TRMT44: variants seen among roughly 807,000 people sequenced by gnomAD.
TRMT44 encodes the protein probable tRNA (uracil-O(2)-)-methyltransferase.
TRMT44 carries 78 observed loss-of-function variants against 77.3 expected under a neutral mutation model. The observed-to-expected ratio is 1.01, with a 90% CI of 0.84 to 1.22. The LOEUF is 1.22. Among genes scored for constraint, TRMT44 ranks in the 50% most tolerant of loss-of-function variants. The pLI is 0.00. For synonymous variants in TRMT44, 391 were observed against 383.3 expected (o/e 1.02, Z -0.23); for missense variants, 1,090 against 964.4 (o/e 1.13, Z -1.73).
chr4:8,458,464 CTT>C (rs56203512), intron 6 of TRMT44, among the ~76,000 whole-genome samples: 44 of 130,284 alleles, frequency 3.4e-4, no homozygotes, highest in African/African-American at 3.7e-4. Context: ...CTTTTCTTTT[CTT>C]TTTTTTTTTT....
chr4:8,475,563 C>T (rs1727320157), intron 10 of TRMT44, among the ~76,000 whole-genome samples: 1 of 152,198 alleles, frequency 6.6e-6, no homozygotes, highest in African/African-American at 2.4e-5. Flanking sequence ...GCTCACCTTC[C>T]CCGGCCTTGC....
intron 1 of TRMT44, 25 bp downstream of exon 1, chr4:8,441,466 G>A: frequency 1.4e-6 from 2 of 1,454,338 alleles, no homozygotes; most frequent in South Asian, 1.4e-5. Context: ...ATAGTGGACG[G>A]ATATGATTAG....
In TRMT44 at chr4:8,476,112, TC is replaced by T; in HGVS notation, c.*114del. The T allele has an allele frequency of 1.1e-6, 1 of 930,044 alleles. No individual in the cohort carries two copies. Among genetic ancestry groups the T allele is most frequent in the Non-Finnish European group, 1.6e-6 (1 of 612,404 alleles). 57.6% of individuals were successfully genotyped at this position (930,044 alleles called of 1,614,324 possible). On this transcript the variant is annotated 3_prime_UTR_variant, in exon 11 of 11. Transcript: ENST00000389737. ...TCTGGCTGTGTTTCAGCCCACCTCC[TC>T]CCAGCTTTCTCCACATCCTCACAGT...
intron 5 of TRMT44, among the ~76,000 whole-genome samples, chr4:8,454,049 C>T (rs1229213731): frequency 2.0e-5 from 3 of 152,116 alleles, no homozygotes; most frequent in Non-Finnish European, 2.9e-5. Flanking sequence ...GGAGGTGTCT[C>T]GTGCACCCCT....
chr4:8,472,480 G>A (rs73223246), intron 10 of TRMT44, among the ~76,000 whole-genome samples: 3,408 of 152,332 alleles, frequency 0.022, 65 homozygotes, highest in African/African-American at 0.052. Context: ...TGGGGATCAG[G>A]TGCAGTACAG....
chr4:8,514,808 C>T, the TRMT44 span, among the ~76,000 whole-genome samples: 1 of 152,148 alleles, frequency 6.6e-6, no homozygotes, highest in Non-Finnish European at 1.5e-5. Flanking sequence ...GTACTTAACA[C>T]AGTTACCTGC....
At chr4:8,470,437 T>C (rs1265233936) in intron 9 of TRMT44, among the ~76,000 whole-genome samples, 8 of 152,272 alleles carry the variant, frequency 5.3e-5, no homozygotes, top group Non-Finnish European at 5.9e-5. Flanking sequence ...GGCAAATACA[T>C]GCAGGAAAAC....
At chr4:8,501,964 C>T in the TRMT44 span, among the ~76,000 whole-genome samples, 2,618 of 152,346 alleles carry the variant, frequency 0.017, 30 homozygotes, top group Non-Finnish European at 0.028. The surrounding 1 kb of genome is among the most constrained non-coding windows in gnomAD (Gnocchi z 4.4). Context: ...CGCCTCTTCC[C>T]GGGTCCCTGG....
intron 1 of TRMT44, 57 bp downstream of exon 1, chr4:8,441,498 C>G: frequency 7.0e-7 from 1 of 1,433,894 alleles, no homozygotes; most frequent in East Asian, 2.5e-5. Flanking sequence ...TTCATAGAAC[C>G]TCGGGTCAAT....
At chr4:8,442,314 C>T (rs961696916) in intron 1 of TRMT44, among the ~76,000 whole-genome samples, 4 of 152,158 alleles carry the variant, frequency 2.6e-5, no homozygotes, top group Admixed American at 1.3e-4. Context: ...AGACAAATAA[C>T]TGTGAAAGAG....
Position 8,468,059 on chromosome 4 carries a change from C to T in TRMT44, c.1640C>T (p.Ala547Val), listed in dbSNP as rs1726719705. The change falls in exon 9 of 11, where the codon GCT becomes GTT. Residue 547 changes from alanine to valine, a missense_variant. Ala to Val is a moderately conservative substitution (Grantham distance 64, BLOSUM62 0). Transcript: ENST00000389737. ...CTTTCCCCTTCTCCACGCTGGGTTG[C>T]TGCTGGCAGTGCTGGTCACTGTGAC... ...WELSPSPRWVAAGSAGHCDGQ... is the reference protein window; with the variant it reads ...WELSPSPRWVVAGSAGHCDGQ... 2.5e-6 allele frequency: 4 copies of T among 1,613,984 alleles called. No homozygotes were observed. Among genetic ancestry groups the T allele is most frequent in the Non-Finnish European group, 3.4e-6 (4 of 1,180,042 alleles).
At chr4:8,447,012 A>G (rs111792423) in intron 2 of TRMT44, among the ~76,000 whole-genome samples, 2,923 of 152,258 alleles carry the variant, frequency 0.019, 102 homozygotes, top group African/African-American at 0.066. Context: ...CAGTCTGCAC[A>G]GTACAGGCAC....
chr4:8,448,640 A>G (rs1725217643), intron 2 of TRMT44, among the ~76,000 whole-genome samples: 1 of 152,244 alleles, frequency 6.6e-6, no homozygotes, highest in Non-Finnish European at 1.5e-5. Context: ...ACTGAGCAGG[A>G]CAGACCTCAC....
At chr4:8,505,080 C>T in the TRMT44 span, among the ~76,000 whole-genome samples, 38 of 152,156 alleles carry the variant, frequency 2.5e-4, no homozygotes, top group African/African-American at 9.2e-4. Context: ...CTCCTGGCTG[C>T]GTGACCTCTC....
At position 8,448,281 on chromosome 4, in the gene TRMT44, T is replaced by A. The variant is rs574925309; in HGVS notation, c.735-1388T>A. On this transcript the variant is annotated intron_variant, in intron 2 of 10. Transcript: ENST00000389737. Reference sequence around the variant, plus strand: ...GCAGCTGGATTCATTTTCGGCAACATTTGTTGTGTGCCCAGCATGTGTTAG... The same window carrying A: ...GCAGCTGGATTCATTTTCGGCAACAATTGTTGTGTGCCCAGCATGTGTTAG... 1.1e-4 allele frequency among the ~76,000 whole-genome samples: 17 copies of A among 152,304 alleles called. No individual in the cohort carries two copies. In the South Asian group the frequency reaches 3.5e-3, roughly 32 times the overall value.
chr4:8,495,915 C>G (rs553334024), downstream of TRMT44, among the ~76,000 whole-genome samples: 1 of 152,338 alleles, frequency 6.6e-6, no homozygotes, highest in Admixed American at 6.5e-5. Context: ...TCTCCCACAA[C>G]CAATCAGACT....
intron 10 of TRMT44, among the ~76,000 whole-genome samples, chr4:8,474,969 C>T (rs1727280085): frequency 6.6e-6 from 1 of 152,196 alleles, no homozygotes; most frequent in Non-Finnish European, 1.5e-5. Flanking sequence ...TGGAGATCAG[C>T]CCTGGCCATT....
the TRMT44 span, among the ~76,000 whole-genome samples, chr4:8,498,688 A>G: frequency 2.0e-5 from 3 of 152,124 alleles, no homozygotes; most frequent in African/African-American, 7.2e-5. This position sits in a 1 kb window ranked among gnomAD's most constrained non-coding sequence, Gnocchi z 4.3. Flanking sequence ...CCTACCCAAT[A>G]TCCACGCCTC....
At chr4:8,515,211 C>T in the TRMT44 span, among the ~76,000 whole-genome samples, 4 of 152,330 alleles carry the variant, frequency 2.6e-5, no homozygotes, top group East Asian at 7.7e-4. Flanking sequence ...AAGCAATCCT[C>T]CCGCCTTGGC....
Sources: allele counts gnomAD v4.1 joint callset (sites outside exome capture counted in the v4.1 genomes callset), GRCh38; gene constraint gnomAD v4.1.1; non-coding constraint Gnocchi (gnomAD v3.1); transcripts MANE v1.5; gene names NCBI Gene and HGNC (gene_info 2026-07-23, HGNC 2026-07-21).